Variants in PRKG1 observed in about 807,000 individuals in gnomAD.
PRKG1 encodes the protein protein kinase cGMP-dependent 1.
Under a neutral mutation model 88.1 loss-of-function variants are expected in PRKG1, and 35 were observed. The observed-to-expected ratio is 0.40, with a 90% CI of 0.30 to 0.53. PRKG1 has a LOEUF of 0.53. Among genes scored for constraint, PRKG1 ranks in the 20% least tolerant of loss-of-function variants. PRKG1 has a pLI of 0.59. For missense variants in PRKG1, 540 were observed against 839.8 expected (o/e 0.64, Z 4.41); for synonymous variants, 303 against 292.5 (o/e 1.04, Z -0.37).
intron 10 of PRKG1, 89 bp downstream of exon 10, chr10:52,251,755 T>G: frequency 9.0e-7 from 1 of 1,116,000 alleles, no homozygotes; most frequent in South Asian, 1.4e-5. Flanking sequence ...TTTTCTCTTG[T>G]TTTGTCTTTC....
intron 9 of PRKG1, among the ~76,000 whole-genome samples, chr10:52,249,357 T>A (rs1841114550): frequency 6.6e-6 from 1 of 151,800 alleles, no homozygotes; most frequent in African/African-American, 2.4e-5. Context: ...GAACTATAGG[T>A]TTTAACTCTT....
In PRKG1 at chr10:51,620,400, C is replaced by A. The variant is rs1160202879; in HGVS notation, c.592+152564C>A. On this transcript the variant is annotated intron_variant, in intron 3 of 17. Coordinates refer to ENST00000373980, the MANE Select transcript of PRKG1 (RefSeq NM_006258.4). ...ACACTAAAGATACCAAGTCACAAAT[C>A]ACTTCCTTATGCTTGACTTAGAGGC... is the stretch of plus-strand genomic sequence containing the variant. Among the ~76,000 whole-genome samples, 4 of 152,062 alleles carry A rather than the reference C, an allele frequency of 2.6e-5. No homozygotes were observed. The East Asian group carries it at 7.7e-4, about 29-fold the overall frequency.
At chr10:51,771,108 T>C (rs1838292663) in intron 3 of PRKG1, among the ~76,000 whole-genome samples, 1 of 152,198 alleles carries the variant, frequency 6.6e-6, no homozygotes, top group African/African-American at 2.4e-5. Flanking sequence ...TATCTGTTAG[T>C]TTGGTGCAAA....
At chr10:51,013,346 A>G (rs555535446) in intron 1 of PRKG1, among the ~76,000 whole-genome samples, 2 of 152,306 alleles carry the variant, frequency 1.3e-5, no homozygotes, top group East Asian at 1.9e-4. Context: ...GACTATGTTA[A>G]AAAGAAGGCA....
At chr10:52,018,835 T>A (rs1483568474) in intron 5 of PRKG1, among the ~76,000 whole-genome samples, 1 of 152,176 alleles carries the variant, frequency 6.6e-6, no homozygotes, top group Non-Finnish European at 1.5e-5. Flanking sequence ...GAAAAAGTAC[T>A]GGAAGACATT....
chr10:51,649,180 A>G (rs1839982595), intron 3 of PRKG1, among the ~76,000 whole-genome samples: 2 of 152,322 alleles, frequency 1.3e-5, no homozygotes, highest in East Asian at 1.9e-4. Flanking sequence ...GTAGATAGTC[A>G]TAGAAAATAG....
rs1483837431 is a variant in PRKG1, at chr10:52,158,950, G to A, written c.1002-2939G>A. Among the ~76,000 whole-genome samples, 8 of 151,422 alleles carry A rather than the reference G, an allele frequency of 5.3e-5. No homozygotes were observed. In the East Asian group the frequency reaches 9.7e-4, roughly 18 times the overall value. On this transcript the variant is annotated intron_variant, in intron 8 of 17. Coordinates refer to ENST00000373980, the MANE Select transcript of PRKG1 (RefSeq NM_006258.4). ...TGATGTATTCAGCTACTAAAATATT[G>A]CTTAAGGAGTTTTTCAAAATAAAAG... is the stretch of plus-strand genomic sequence containing the variant.
At chr10:51,907,614 C>T in intron 5 of PRKG1, 44 bp downstream of exon 5, 1 of 1,535,708 alleles carries the variant, frequency 6.5e-7, no homozygotes. Context: ...GGGATCCAGC[C>T]TGCTTGGCTG....
intron 4 of PRKG1, among the ~76,000 whole-genome samples, chr10:51,810,614 T>C (rs1342952561): frequency 6.6e-6 from 1 of 152,206 alleles, no homozygotes; most frequent in Non-Finnish European, 1.5e-5. Flanking sequence ...CCTTATTCTC[T>C]AAAACAATAA....
At chr10:51,458,386 T>G (rs1282770709) in intron 2 of PRKG1, among the ~76,000 whole-genome samples, 1 of 152,180 alleles carries the variant, frequency 6.6e-6, no homozygotes, top group African/African-American at 2.4e-5. Flanking sequence ...GTGACTAACA[T>G]TTTGACTAAC....
At chr10:51,430,773 G>T (rs1203691528) in intron 2 of PRKG1, among the ~76,000 whole-genome samples, 1 of 152,146 alleles carries the variant, frequency 6.6e-6, no homozygotes, top group Admixed American at 6.5e-5. Flanking sequence ...CAATGAAAAG[G>T]AATGAATGAA....
intron 2 of PRKG1, among the ~76,000 whole-genome samples, chr10:51,366,757 A>G (rs1484832000): frequency 6.6e-6 from 1 of 151,988 alleles, no homozygotes; most frequent in Admixed American, 6.6e-5. Flanking sequence ...CAGCATGTAC[A>G]TGAAAGCTTT....
rs16927044 is a variant in PRKG1 at position 52,128,474 on chromosome 10, G to C, written c.936-5366G>C. The stretch of plus-strand genomic sequence containing the variant: ...TCCCTGTATGGATTATTCAGATACT[G>C]ACAGTGACGCCACTTTGGGATACAG... On this transcript the variant is annotated intron_variant, in intron 7 of 17. Transcript: ENST00000373980. 644 of 985,406 alleles carry C rather than the reference G, an allele frequency of 6.5e-4. 18 individuals carry two copies. In the East Asian group the frequency reaches 0.051, roughly 79 times the overall value. The allele number at this position is 985,406 out of a possible 1,614,324, so 61.0% of individuals were successfully genotyped here. A position where few individuals can be genotyped will look rare whatever the true frequency, so the allele number is the denominator to read the frequency against.
At chr10:51,591,468 T>C (rs567161355) in intron 3 of PRKG1, among the ~76,000 whole-genome samples, 1 of 152,248 alleles carries the variant, frequency 6.6e-6, no homozygotes, top group African/African-American at 2.4e-5. Context: ...ATTTTCCTCA[T>C]AGATATCTAT....
chr10:52,082,114 A>G (rs2133306189), intron 7 of PRKG1, among the ~76,000 whole-genome samples: 1 of 152,218 alleles, frequency 6.6e-6, no homozygotes, highest in East Asian at 1.9e-4. Flanking sequence ...AGAAGTACTG[A>G]GCGAAAGGGG....
At chr10:51,133,432 G>A (rs955588595) in intron 1 of PRKG1, among the ~76,000 whole-genome samples, 1 of 152,124 alleles carries the variant, frequency 6.6e-6, no homozygotes, top group Non-Finnish European at 1.5e-5. Context: ...ATGTATTGTA[G>A]TGCAATCCCA....
At chr10:51,879,133 A>G (rs1433331630) in intron 4 of PRKG1, among the ~76,000 whole-genome samples, 1 of 135,602 alleles carries the variant, frequency 7.4e-6, no homozygotes, top group African/African-American at 2.7e-5. Context: ...TGTAAATATC[A>G]ATTTGTTTTT....
chr10:51,409,500 G>A (rs1838016695), intron 2 of PRKG1, among the ~76,000 whole-genome samples: 1 of 152,092 alleles, frequency 6.6e-6, no homozygotes, highest in Admixed American at 6.6e-5. Context: ...GTGACTTGAT[G>A]ACCCATAGTC....
chr10:51,302,292 T>C (rs10490969), intron 2 of PRKG1, among the ~76,000 whole-genome samples: 16,641 of 152,156 alleles, frequency 0.11, 1,167 homozygotes, highest in South Asian at 0.21. Flanking sequence ...TTGACAAACA[T>C]TTTTAGTAAA....
Sources: gnomAD v4.1 joint callset for allele counts (sites outside exome capture counted in the v4.1 genomes callset) on GRCh38, gnomAD v4.1.1 for gene constraint, MANE v1.5 for transcripts, NCBI Gene and HGNC (gene_info 2026-07-23, HGNC 2026-07-21) for gene names.